Variants in CRYBG3 observed in about 807,000 individuals in gnomAD.
The protein encoded by CRYBG3 is very large A-kinase anchor protein.
CRYBG3 carries 127 observed loss-of-function variants against 244.2 expected under a neutral mutation model. The observed-to-expected ratio is 0.52, with a 90% CI of 0.45 to 0.60. The LOEUF (loss-of-function observed/expected upper bound fraction) is 0.60, where lower values mean the gene tolerates loss of function less well. Among genes scored for constraint, CRYBG3 ranks in the 20% least tolerant of loss-of-function variants. The probability of loss-of-function intolerance (pLI) is 0.00; values close to 1 mark genes in which losing one functional copy is unlikely to be tolerated. For synonymous variants in CRYBG3, 1,132 were observed against 1,195.8 expected, an observed-to-expected ratio of 0.95 and a Z score of 1.10; for missense variants, 3,325 against 3,442.5, an observed-to-expected ratio of 0.97 and a Z score of 0.85.
At chr3:97,919,709 A>G (rs1270549635) in intron 17 of CRYBG3, among the ~76,000 whole-genome samples, 2 of 142,610 alleles carry the variant, frequency 1.4e-5, no homozygotes, top group East Asian at 4.0e-4. Context: ...GGGCAATAAA[A>G]TGATTAAAAA....
intron 8 of CRYBG3, 142 bp downstream of exon 8, chr3:97,886,909 T>C: frequency 1.5e-6 from 1 of 661,290 alleles, no homozygotes; most frequent in Non-Finnish European, 2.5e-6. Flanking sequence ...TAAAAGATTC[T>C]TTGGATCTAA....
chr3:97,906,225 C>G (rs1325583459), intron 15 of CRYBG3, among the ~76,000 whole-genome samples: 1 of 133,454 alleles, frequency 7.5e-6, no homozygotes, highest in African/African-American at 2.6e-5. Flanking sequence ...CTTCGCAATG[C>G]GGGCTCTTTT....
chr3:97,930,348 G>GA (rs554949670), intron 17 of CRYBG3, among the ~76,000 whole-genome samples: 237 of 152,076 alleles, frequency 1.6e-3, no homozygotes, highest in Non-Finnish European at 2.7e-3. Flanking sequence ...TGAAGATGTT[G>GA]AAAAAAATCC....
chr3:97,911,102 A>G (rs138204574), intron 15 of CRYBG3, among the ~76,000 whole-genome samples: 33 of 152,330 alleles, frequency 2.2e-4, no homozygotes, highest in African/African-American at 7.5e-4. Context: ...ATTTTGACTG[A>G]TCTTTGATAA....
chr3:97,852,022 G>A (rs1168040475), intron 2 of CRYBG3, among the ~76,000 whole-genome samples: 2 of 152,164 alleles, frequency 1.3e-5, no homozygotes, highest in African/African-American at 4.8e-5. Flanking sequence ...GACATAGCAT[G>A]GCCAAGTTCA....
At chr3:97,922,503 C>G (rs2108258081) in intron 17 of CRYBG3, among the ~76,000 whole-genome samples, 1 of 152,234 alleles carries the variant, frequency 6.6e-6, no homozygotes, top group East Asian at 1.9e-4. Context: ...AAAAATCAAA[C>G]AACCCCATCA....
chr3:97,873,198 G>A lies in CRYBG3; in HGVS notation c.2004G>A (p.Lys668=). Residue 668 remains lysine, a synonymous_variant, in exon 4 of 22, where the codon AAG becomes AAA. Transcript: ENST00000389622. ...TFVSGVGMLS[K]LDIPDLMNEG... Reference sequence around the variant, plus strand: ...TTTCTGGAGTTGGGATGCTGAGCAAGTTGGATATTCCTGATTTAATGAATG... The same window carrying A: ...TTTCTGGAGTTGGGATGCTGAGCAAATTGGATATTCCTGATTTAATGAATG... 1 of 1,535,900 alleles carries A rather than the reference G, an allele frequency of 6.5e-7. No individual in the cohort carries two copies. Among genetic ancestry groups the A allele is most frequent in the Non-Finnish European group, 8.7e-7 (1 of 1,146,790 alleles).
chr3:97,874,742 G>A lies in CRYBG3; in HGVS notation c.3548G>A (p.Arg1183Lys). Residue 1183 changes from arginine to lysine, a missense_variant, in exon 4 of 22, where the codon AGA becomes AAA. By Grantham distance (26) the Arg-to-Lys change is conservative. Transcript: ENST00000389622. ...EASAEHIEAR[R>K]RAHDQLLDLK... ...TCTGCTGAGCACATAGAAGCCAGGA[G>A]AAGAGCACATGACCAACTTTTGGAC... 1 of 1,535,952 alleles carries A rather than the reference G, an allele frequency of 6.5e-7. No homozygotes were observed. Among genetic ancestry groups the A allele is most frequent in the Non-Finnish European group, 8.7e-7 (1 of 1,146,848 alleles).
chr3:97,848,487 G>C (rs1270630191), intron 2 of CRYBG3, among the ~76,000 whole-genome samples: 2 of 152,040 alleles, frequency 1.3e-5, no homozygotes, highest in African/African-American at 2.4e-5. Flanking sequence ...ATTTTTAGTA[G>C]AGACAAGGTT....
intron 20 of CRYBG3, chr3:97,941,969 G>T (rs1035296864): frequency 1.1e-5 from 2 of 184,414 alleles, no homozygotes; most frequent in Admixed American, 1.2e-4. Flanking sequence ...AACATAATAC[G>T]TTTTAAGCAA....
intron 18 of CRYBG3, 69 bp downstream of exon 18, chr3:97,933,902 C>G: frequency 7.2e-7 from 1 of 1,397,586 alleles, no homozygotes. Context: ...AGTTGCAAAC[C>G]AAGTCCACTG....
Position 97,892,991 on chromosome 3 carries a change from A to G in CRYBG3, c.7572A>G (p.Gly2524=). 6.3e-7 allele frequency: 1 copy of G among 1,593,666 alleles called. No homozygotes were observed. The highest frequency in any genetic ancestry group is 8.5e-7 in the Non-Finnish European group (1 of 1,173,564). The stretch of plus-strand genomic sequence containing the variant: ...TTGGATCAATTCGTGTCATTGGTGG[A>G]GTGTGAGTATCATATTTTTAACATT... ...HRIGSIRVIG[G]VWVAYEKEHF... Residue 2524 remains glycine, a splice_region_variant and synonymous_variant, in exon 11 of 22, where the codon GGA becomes GGG. Coordinates refer to ENST00000389622, the MANE Select transcript of CRYBG3 (RefSeq NM_153605.4).
At chr3:97,936,361 G>C (rs947099563) in intron 18 of CRYBG3, among the ~76,000 whole-genome samples, 2 of 151,988 alleles carry the variant, frequency 1.3e-5, no homozygotes, top group Non-Finnish European at 2.9e-5. Context: ...GGGAGGAGTG[G>C]AAGAAGATAT....
chr3:97,837,875 C>T (rs9825272), intron 1 of CRYBG3, among the ~76,000 whole-genome samples: 106,436 of 151,956 alleles, frequency 0.7, 39,210 homozygotes, highest in East Asian at 0.82. Context: ...TTCCAGATTT[C>T]CCTGATGCAG....
intron 17 of CRYBG3, among the ~76,000 whole-genome samples, chr3:97,921,172 C>A (rs2039980819): frequency 7.0e-6 from 1 of 143,048 alleles, no homozygotes; most frequent in African/African-American, 2.6e-5. Context: ...TTTCCCCTCT[C>A]TAAATTCTTT....
At chr3:97,830,265 A>T (rs538356938) in intron 1 of CRYBG3, among the ~76,000 whole-genome samples, 1 of 152,152 alleles carries the variant, frequency 6.6e-6, no homozygotes, top group African/African-American at 2.4e-5. Flanking sequence ...GCACAAATAC[A>T]TTTATAAAAC....
In CRYBG3 at chr3:97,881,100, C is replaced by T. The variant is rs545439951; in HGVS notation, c.7033C>T (p.Arg2345Ter). 20 of 1,600,528 alleles carry T rather than the reference C, an allele frequency of 1.2e-5. No homozygotes were observed. The highest frequency in any genetic ancestry group is 2.7e-5 in the African/African-American group (2 of 74,296). ...CWILYEKPHF[R>*]GQKCVLEEGE... ...GATTTTATATGAGAAACCACATTTC[C>T]GAGGTCAGAAATGTGTGCTAGAAGA... The change falls in exon 7 of 22, where the codon CGA becomes TGA. Residue 2345 changes from arginine to a stop codon, truncating the protein, a stop_gained. Transcript: ENST00000389622. LOFTEE classifies it high-confidence loss of function.
chr3:97,896,906 G>A lies in CRYBG3; in HGVS notation c.7701+821G>A, dbSNP rs562722550. On this transcript the variant is annotated intron_variant, in intron 12 of 21. Coordinates refer to ENST00000389622, the MANE Select transcript of CRYBG3 (RefSeq NM_153605.4). ...ATGTTTAGGGAAATGTGGTTAAGTC[G>A]GGATGTTAGGGAGAACTTTGGAAAG... is the stretch of plus-strand genomic sequence containing the variant. 9.2e-5 allele frequency among the ~76,000 whole-genome samples: 14 copies of A among 152,206 alleles called. No individual in the cohort carries two copies. In the East Asian group the frequency reaches 2.7e-3, roughly 29 times the overall value.
At chr3:97,868,652 A>T (rs2039265354) in intron 3 of CRYBG3, among the ~76,000 whole-genome samples, 1 of 152,180 alleles carries the variant, frequency 6.6e-6, no homozygotes, top group African/African-American at 2.4e-5. Context: ...AGCCCTAAAA[A>T]ATATAAAACA....
Sources: allele counts gnomAD v4.1 joint callset (sites outside exome capture counted in the v4.1 genomes callset), GRCh38; gene constraint gnomAD v4.1.1; transcripts MANE v1.5; gene names NCBI Gene and HGNC (gene_info 2026-07-23, HGNC 2026-07-21).